TMTC4: variants seen among roughly 807,000 people sequenced by gnomAD.
The protein encoded by TMTC4 is transmembrane O-mannosyltransferase targeting cadherins 4, also known as protein O-mannosyl-transferase TMTC4.
TMTC4 carries 65 observed loss-of-function variants against 86.0 expected under a neutral mutation model. The ratio of observed to expected loss-of-function variants is 0.76; its 90% CI spans 0.62 to 0.93. The LOEUF is 0.93. Among genes scored for constraint, TMTC4 ranks in the 40% least tolerant of loss-of-function variants. TMTC4 has a pLI of 0.00. For missense variants in TMTC4, 866 were observed against 948.1 expected (o/e 0.91, Z 1.14); for synonymous variants, 379 against 382.5 (o/e 0.99, Z 0.11).
intron 13 of TMTC4, 59 bp downstream of exon 13, chr13:100,626,012 T>C: frequency 6.2e-7 from 1 of 1,606,502 alleles, no homozygotes; most frequent in Non-Finnish European, 8.5e-7. Flanking sequence ...AGGTGTTTCA[T>C]ATTAGAAAGT....
At chr13:100,626,907 G>C (rs973152217) in intron 12 of TMTC4, among the ~76,000 whole-genome samples, 1 of 152,218 alleles carries the variant, frequency 6.6e-6, no homozygotes, top group Non-Finnish European at 1.5e-5. Flanking sequence ...GGGCCTCTGG[G>C]AAGTGATTGG....
At chr13:100,611,608 A>C (rs1594229009) in intron 17 of TMTC4, among the ~76,000 whole-genome samples, 1 of 152,178 alleles carries the variant, frequency 6.6e-6, no homozygotes, top group Non-Finnish European at 1.5e-5. Flanking sequence ...AAAATAAAAA[A>C]ACAACAAAAA....
intron 6 of TMTC4, among the ~76,000 whole-genome samples, chr13:100,654,076 G>C (rs1459364941): frequency 1.3e-5 from 2 of 152,146 alleles, no homozygotes; most frequent in African/African-American, 4.8e-5. Flanking sequence ...CACGAAGACG[G>C]GGCAGCTTGT....
rs1225605117 is a variant in TMTC4 at position 100,656,327 on chromosome 13, CA to C, written c.640+53del. On this transcript the variant is annotated intron_variant, in intron 6 of 18. Coordinates refer to ENST00000342624, the MANE Select transcript of TMTC4 (RefSeq NM_032813.5). ...TCCCGTATGTTAAGACACTGCTCAA[CA>C]GGACAAAAACATGAAGAAGGTGGAA... The C allele has an allele frequency of 5.3e-6, 8 of 1,523,426 alleles. No individual in the cohort carries two copies. The African/African-American group carries it at 9.6e-5, about 18-fold the overall frequency. 94.4% of individuals were successfully genotyped at this position (1,523,426 alleles called of 1,614,324 possible).
intron 6 of TMTC4, 111 bp downstream of exon 6, chr13:100,656,270 T>A (rs1368959228): frequency 1.1e-6 from 1 of 874,014 alleles, no homozygotes; most frequent in African/African-American, 1.7e-5. Context: ...CCAGATCCCC[T>A]CAGAGTGACA....
chr13:100,617,587 C>G (rs920314604), intron 15 of TMTC4, among the ~76,000 whole-genome samples: 11 of 152,280 alleles, frequency 7.2e-5, no homozygotes, highest in African/African-American at 2.6e-4. Flanking sequence ...CCTAGGGAAC[C>G]CTTTCCCCAT....
chr13:100,652,894 C>T (rs1373096551), intron 6 of TMTC4, among the ~76,000 whole-genome samples: 2 of 152,304 alleles, frequency 1.3e-5, no homozygotes, highest in South Asian at 2.1e-4. Flanking sequence ...TCCCCAGCAC[C>T]GGAAACCTGA....
chr13:100,668,369 G>A (rs1301218433), intron 3 of TMTC4: 3 of 572,504 alleles, frequency 5.2e-6, no homozygotes, highest in South Asian at 4.1e-5. Context: ...TGCCTGAGCT[G>A]AGGCAGGGGT....
Position 100,605,012 on chromosome 13 carries a change from C to A in TMTC4, c.2265G>T (p.Met755Ile). 1 of 1,613,532 alleles carries A rather than the reference C, an allele frequency of 6.2e-7. No individual in the cohort carries two copies. Among genetic ancestry groups the A allele is most frequent in the Non-Finnish European group, 8.5e-7 (1 of 1,179,844 alleles). ...AACAGGATCAGACAGCTTTCTTTTG[C>A]ATTAGTTCTAGCTTTCTTCTCAGCA... ...YGLLRRKLEL[M>I]QKKAV Residue 755 changes from methionine to isoleucine, a missense_variant, in exon 19 of 19, where the codon ATG (methionine) becomes ATT (isoleucine). Met to Ile is a conservative substitution (Grantham distance 10, BLOSUM62 1). Transcript: ENST00000342624. The surrounding 1 kb of genome is among the most constrained non-coding windows in gnomAD (Gnocchi z 4.3).
intron 18 of TMTC4, among the ~76,000 whole-genome samples, chr13:100,606,157 T>C (rs920688638): frequency 6.6e-6 from 1 of 152,210 alleles, no homozygotes; most frequent in Non-Finnish European, 1.5e-5. Flanking sequence ...TGGGCAAACT[T>C]TGGGGCTGTT....
intron 6 of TMTC4, among the ~76,000 whole-genome samples, chr13:100,651,249 G>A (rs1459459481): frequency 1.3e-5 from 2 of 152,166 alleles, no homozygotes; most frequent in Non-Finnish European, 2.9e-5. Flanking sequence ...TTAATGTGCA[G>A]AGATGATCTG....
intron 6 of TMTC4, among the ~76,000 whole-genome samples, chr13:100,654,630 AAAG>A (rs1401733666): frequency 1.3e-5 from 2 of 152,140 alleles, no homozygotes; most frequent in Non-Finnish European, 1.5e-5. Context: ...AAAACAGAAA[AAAG>A]AAGAGTAAAA....
At chr13:100,624,077 A>T (rs1177773271) in intron 15 of TMTC4, 1 of 206,474 alleles carries the variant, frequency 4.8e-6, no homozygotes, top group Non-Finnish European at 9.9e-6. Flanking sequence ...CTGTAATCCC[A>T]GCACTTTCGG....
rs1340667090 is a variant in TMTC4, at chr13:100,631,998, CTTAAA to C, written c.1506+2802_1506+2806del. 2.9e-5 allele frequency among the ~76,000 whole-genome samples: 4 copies of C among 136,104 alleles called. No individual in the cohort carries two copies. The East Asian group carries it at 8.7e-4, about 30-fold the overall frequency. The allele number at this position is 136,104 out of a possible 152,430, so 89.3% of individuals were successfully genotyped here. ...TGAAGATGAGGTCTTATATGTATTC[CTTAAA>C]TTAAGAGGAAACCACACACACACAC... On this transcript the variant is annotated intron_variant, in intron 12 of 18. Transcript: ENST00000342624.
intron 1 of TMTC4, chr13:100,674,159 T>G: frequency 1.1e-6 from 1 of 905,452 alleles, no homozygotes; most frequent in Non-Finnish European, 1.3e-6. Context: ...AAGCGGCGGC[T>G]CGGTGGCCCC....
intron 6 of TMTC4, among the ~76,000 whole-genome samples, chr13:100,649,746 T>C (rs915528526): frequency 2.0e-5 from 3 of 151,150 alleles, no homozygotes; most frequent in African/African-American, 7.3e-5. Context: ...TCGCCATCAT[T>C]AAGATATTCT....
chr13:100,652,463 A>T (rs1256005900), intron 6 of TMTC4, among the ~76,000 whole-genome samples: 1 of 152,228 alleles, frequency 6.6e-6, no homozygotes, highest in Non-Finnish European at 1.5e-5. Context: ...TGGGCAACAG[A>T]GCAAGACTTG....
intron 9 of TMTC4, 90 bp downstream of exon 9, chr13:100,637,448 C>A: frequency 6.7e-7 from 1 of 1,492,818 alleles, no homozygotes; most frequent in South Asian, 1.3e-5. Context: ...TGTTGGCGTG[C>A]AGAGGAGTGA....
At chr13:100,640,583 C>T (rs9557469) in intron 7 of TMTC4, among the ~76,000 whole-genome samples, 108,251 of 151,766 alleles carry the variant, frequency 0.71, 39,660 homozygotes, top group East Asian at 0.99. Context: ...CCAGGCGTGA[C>T]GGCTCATGCC....
Sources: allele counts gnomAD v4.1 joint callset (sites outside exome capture counted in the v4.1 genomes callset), GRCh38; gene constraint gnomAD v4.1.1; non-coding constraint Gnocchi (gnomAD v3.1); transcripts MANE v1.5; gene names NCBI Gene and HGNC (gene_info 2026-07-23, HGNC 2026-07-21).